The following RPS6KC1 variants were observed in gnomAD, a reference collection of about 807,000 sequenced individuals.
RPS6KC1 encodes ribosomal protein S6 kinase C1.
In RPS6KC1, 54 loss-of-function variants were observed where a neutral mutation model predicts 103.8. The ratio of observed to expected loss-of-function variants is 0.52; its 90% CI spans 0.42 to 0.65. The LOEUF (loss-of-function observed/expected upper bound fraction) is 0.65. Ranked by LOEUF, RPS6KC1 falls within the 30% of genes least tolerant of loss-of-function variation. The probability of loss-of-function intolerance (pLI) is 0.00; values close to 1 mark genes in which losing one functional copy is unlikely to be tolerated. For synonymous variants in RPS6KC1, 439 were observed against 438.7 expected (o/e 1.00, Z -0.01); for missense variants, 1,151 against 1,253.8 (o/e 0.92, Z 1.24).
chr1:213,739,791 G>A, the RPS6KC1 span, among the ~76,000 whole-genome samples: 1,994 of 152,288 alleles, frequency 0.013, 34 homozygotes, highest in East Asian at 0.075. Flanking sequence ...CTTCAGTTAA[G>A]TGCTAGAAAT....
chr1:213,121,202 T>C (rs1202681917), intron 5 of RPS6KC1, among the ~76,000 whole-genome samples: 1 of 152,214 alleles, frequency 6.6e-6, no homozygotes, highest in Non-Finnish European at 1.5e-5. Flanking sequence ...CCCAAAGTGC[T>C]CGCATTATGG....
the RPS6KC1 span, among the ~76,000 whole-genome samples, chr1:213,670,177 C>T: frequency 6.6e-6 from 1 of 152,168 alleles, no homozygotes; most frequent in Non-Finnish European, 1.5e-5. Context: ...CTGTGCTGTT[C>T]CTGTAGGTGA....
chr1:213,175,336 T>C (rs1402709167), intron 7 of RPS6KC1, among the ~76,000 whole-genome samples: 1 of 152,218 alleles, frequency 6.6e-6, no homozygotes, highest in Non-Finnish European at 1.5e-5. Context: ...TCAAAAATGG[T>C]ATCTCAATAA....
the RPS6KC1 span, among the ~76,000 whole-genome samples, chr1:213,501,439 A>G: frequency 6.6e-6 from 1 of 152,236 alleles, no homozygotes; most frequent in South Asian, 2.1e-4. Context: ...ATAAATGTTG[A>G]CATAATCTCT....
At chr1:213,196,584 A>G (rs1012545098) in intron 8 of RPS6KC1, among the ~76,000 whole-genome samples, 3 of 151,976 alleles carry the variant, frequency 2.0e-5, no homozygotes, top group Non-Finnish European at 4.4e-5. Flanking sequence ...AGTTTTTCTG[A>G]TGTTATCTTC....
the RPS6KC1 span, among the ~76,000 whole-genome samples, chr1:213,411,599 T>C: frequency 6.6e-6 from 1 of 152,056 alleles, no homozygotes; most frequent in African/African-American, 2.4e-5. Context: ...CTGATAGACA[T>C]TGGTCTTTTT....
chr1:213,700,391 G>T, the RPS6KC1 span, among the ~76,000 whole-genome samples: 5 of 151,826 alleles, frequency 3.3e-5, no homozygotes, highest in Admixed American at 3.3e-4. Flanking sequence ...TCTCTGTTTT[G>T]CTCCATTGGC....
the RPS6KC1 span, among the ~76,000 whole-genome samples, chr1:213,493,603 G>T: frequency 6.6e-6 from 1 of 152,176 alleles, no homozygotes; most frequent in Non-Finnish European, 1.5e-5. Flanking sequence ...CTTGCCTCTG[G>T]AGCTTAACTG....
chr1:213,184,026 TC>T (rs2148394959), intron 8 of RPS6KC1, among the ~76,000 whole-genome samples: 1 of 152,248 alleles, frequency 6.6e-6, no homozygotes, highest in East Asian at 1.9e-4. Flanking sequence ...ATGGACCAAT[TC>T]ATAGAAAAGT....
the RPS6KC1 span, among the ~76,000 whole-genome samples, chr1:213,366,157 T>TC: frequency 1.3e-5 from 2 of 152,228 alleles, no homozygotes; most frequent in South Asian, 2.1e-4. Context: ...CTCACAGTGA[T>TC]CCCCCCACAG....
the RPS6KC1 span, among the ~76,000 whole-genome samples, chr1:213,739,552 T>C: frequency 6.6e-6 from 1 of 152,152 alleles, no homozygotes; most frequent in South Asian, 2.1e-4. Context: ...AGACACCATG[T>C]TCCAGGCATA....
chr1:213,322,464 C>T, the RPS6KC1 span, among the ~76,000 whole-genome samples: 1 of 152,022 alleles, frequency 6.6e-6, no homozygotes, highest in Admixed American at 6.6e-5. Context: ...AGAAATAGAC[C>T]ACAGAAGACA....
chr1:213,606,384 C>T, the RPS6KC1 span, among the ~76,000 whole-genome samples: 1 of 152,200 alleles, frequency 6.6e-6, no homozygotes, highest in Non-Finnish European at 1.5e-5. Flanking sequence ...CCACATCAGT[C>T]CACAGGGACT....
At chr1:213,396,539 G>A in the RPS6KC1 span, among the ~76,000 whole-genome samples, 4 of 152,302 alleles carry the variant, frequency 2.6e-5, no homozygotes, top group African/African-American at 9.6e-5. Context: ...TCCCCTCCTT[G>A]CCCTTCCCTG....
the RPS6KC1 span, among the ~76,000 whole-genome samples, chr1:213,520,258 CAAAG>C: frequency 1.3e-5 from 2 of 152,064 alleles, no homozygotes; most frequent in East Asian, 3.9e-4. Context: ...TGGTGGAAGA[CAAAG>C]GAAGAGCAAA....
At chr1:213,824,990 T>C in the RPS6KC1 span, among the ~76,000 whole-genome samples, 3 of 152,200 alleles carry the variant, frequency 2.0e-5, no homozygotes, top group African/African-American at 7.2e-5. Context: ...CCCAGCAGGC[T>C]TCTGCCCCCT....
the RPS6KC1 span, among the ~76,000 whole-genome samples, chr1:213,760,697 TTTG>T: frequency 6.6e-6 from 1 of 152,218 alleles, no homozygotes; most frequent in Non-Finnish European, 1.5e-5. Flanking sequence ...TAAATAGTGT[TTTG>T]TTGTTGTTTA....
the RPS6KC1 span, among the ~76,000 whole-genome samples, chr1:213,316,700 AGT>A: frequency 0.07 from 10,033 of 143,750 alleles, 930 homozygotes; most frequent in African/African-American, 0.22. Flanking sequence ...TAGGGCATGC[AGT>A]GTGTGTGTGT....
the RPS6KC1 span, among the ~76,000 whole-genome samples, chr1:213,770,058 G>A: frequency 3.2e-4 from 48 of 152,228 alleles, no homozygotes; most frequent in African/African-American, 1.0e-3. Context: ...CTGCTTGCCC[G>A]GCCACAACCA....
Sources: gnomAD v4.1 joint callset for allele counts (sites outside exome capture counted in the v4.1 genomes callset) on GRCh38, gnomAD v4.1.1 for gene constraint, MANE v1.5 for transcripts, NCBI Gene and HGNC (gene_info 2026-07-23, HGNC 2026-07-21) for gene names.